The following IL18 variants were observed in gnomAD, a reference collection of about 807,000 sequenced individuals.
IL18 encodes interleukin-18.
In IL18, 8 loss-of-function variants were observed where a neutral mutation model predicts 14.2. That is an observed-to-expected ratio of 0.56 (90% CI 0.33 to 1.01). The LOEUF (loss-of-function observed/expected upper bound fraction) is 1.01, where lower values mean the gene tolerates loss of function less well. Ranked by LOEUF, IL18 falls within the 50% of genes least tolerant of loss-of-function variation. IL18 has a pLI of 0.03. For missense variants in IL18, 166 were observed against 231.1 expected (o/e 0.72, Z 1.83); for synonymous variants, 67 against 71.0 (o/e 0.94, Z 0.28).
At chr11:112,150,268 T>A in intron 3 of IL18, 62 bp from the exon 4 acceptor site, 1 of 1,107,976 alleles carries the variant, frequency 9.0e-7, no homozygotes, top group Non-Finnish European at 1.3e-6. Context: ...GACAAATAAG[T>A]ATGCTATATA....
At position 112,143,634 on chromosome 11, in the gene IL18, C is replaced by T; in HGVS notation, c.544G>A (p.Asp182Asn). 1 of 1,612,458 alleles carries T rather than the reference C, an allele frequency of 6.2e-7. No individual in the cohort carries two copies. Among genetic ancestry groups the T allele is most frequent in the Non-Finnish European group, 8.5e-7 (1 of 1,178,916 alleles). The change falls in exon 6 of 6, where the codon GAT (aspartate) becomes AAT (asparagine). Residue 182 changes from aspartate (D) to asparagine (N), a missense_variant. Asp to Asn is a conservative substitution (Grantham distance 23). Coordinates refer to ENST00000280357, the MANE Select transcript of IL18 (RefSeq NM_001562.4). ...LILKKEDELG[D>N]RSIMFTVQNE... The stretch of plus-strand genomic sequence containing the variant: ...TGAACAGTGAACATTATAGATCTAT[C>T]CCCCAATTCATCCTCTTTTTTCAAA...
chr11:112,146,683 T>C (rs1402351336), intron 5 of IL18, among the ~76,000 whole-genome samples: 1 of 152,094 alleles, frequency 6.6e-6, no homozygotes, highest in Non-Finnish European at 1.5e-5. Context: ...AGATCCTTAT[T>C]AGTGGCAGGA....
At chr11:112,144,281 G>A (rs1349685004) in intron 5 of IL18, among the ~76,000 whole-genome samples, 2 of 152,224 alleles carry the variant, frequency 1.3e-5, no homozygotes, top group Non-Finnish European at 2.9e-5. Context: ...TGCCCAGCCA[G>A]AAGTGCAGTG....
intron 5 of IL18, among the ~76,000 whole-genome samples, chr11:112,145,750 A>G (rs1046586869): frequency 6.6e-6 from 1 of 152,080 alleles, no homozygotes; most frequent in African/African-American, 2.4e-5. Flanking sequence ...AAAAAAAAGA[A>G]AAAAAGAAAA....
In IL18 at chr11:112,153,610, G is replaced by A; in HGVS notation, c.80-7C>T. ...ACTTTACCATCATCTTCAGCTAAGAGGGGGAAAAAGAGAGAAACAGAATAT... is the reference window on the plus strand; with the variant it reads ...ACTTTACCATCATCTTCAGCTAAGAAGGGGAAAAAGAGAGAAACAGAATAT... On this transcript the variant is annotated splice_polypyrimidine_tract_variant and splice_region_variant and intron_variant, in intron 2 of 5. Coordinates refer to ENST00000280357, the MANE Select transcript of IL18 (RefSeq NM_001562.4). 2 of 1,547,730 alleles carry A rather than the reference G, an allele frequency of 1.3e-6. No individual in the cohort carries two copies. Among genetic ancestry groups the A allele is most frequent in the Non-Finnish European group, 1.8e-6 (2 of 1,136,486 alleles).
At chr11:112,156,975 G>A (rs1592815763) in intron 1 of IL18, among the ~76,000 whole-genome samples, 1 of 152,100 alleles carries the variant, frequency 6.6e-6, no homozygotes, top group East Asian at 1.9e-4. Context: ...AGATCACTAA[G>A]ATAAGTCTAA....
chr11:112,157,259 T>C (rs567455246), intron 1 of IL18, among the ~76,000 whole-genome samples: 1 of 152,340 alleles, frequency 6.6e-6, no homozygotes, highest in East Asian at 1.9e-4. Flanking sequence ...TAATATTATG[T>C]AATACACACA....
At chr11:112,145,722 G>A (rs986832488) in intron 5 of IL18, among the ~76,000 whole-genome samples, 19 of 151,708 alleles carry the variant, frequency 1.3e-4, no homozygotes, top group African/African-American at 4.6e-4. Context: ...CTGGGCGACA[G>A]AGCGAGACTC....
intron 1 of IL18, among the ~76,000 whole-genome samples, chr11:112,159,938 T>C (rs563443491): frequency 6.6e-6 from 1 of 152,196 alleles, no homozygotes; most frequent in East Asian, 1.9e-4. Flanking sequence ...TTACTGGTGG[T>C]GGGGGGAGAG....
intron 4 of IL18, among the ~76,000 whole-genome samples, chr11:112,149,041 G>A (rs923508491): frequency 6.6e-6 from 1 of 151,942 alleles, no homozygotes; most frequent in African/African-American, 2.4e-5. Context: ...GGGGTTGTTT[G>A]TTTGTTTGGG....
At position 112,154,980 on chromosome 11, in the gene IL18, A is replaced by C. The variant is rs1271061057; in HGVS notation, c.74T>G (p.Phe25Cys). 1.3e-6 allele frequency: 2 copies of C among 1,596,868 alleles called. No homozygotes were observed. The highest frequency in any genetic ancestry group is 1.7e-6 in the Non-Finnish European group (2 of 1,164,676). Residue 25 changes from phenylalanine (F) to cysteine (C), a missense_variant, in exon 2 of 6, where the codon TTT becomes TGT. Coordinates refer to ENST00000280357, the MANE Select transcript of IL18 (RefSeq NM_001562.4). ...AMKFIDNTLYFIAEDDENLES... is the reference protein window; with the variant it reads ...AMKFIDNTLYCIAEDDENLES... ...TTCTATGGCATTAGCCTTACCTATA[A>C]AGTAAAGCGTATTGTCAATAAATTT...
intron 5 of IL18, among the ~76,000 whole-genome samples, chr11:112,144,584 C>G (rs1055010151): frequency 6.6e-6 from 1 of 152,168 alleles, no homozygotes; most frequent in African/African-American, 2.4e-5. Context: ...GTGAGAGAGA[C>G]AGAAAGTGCC....
At position 112,143,701 on chromosome 11, in the gene IL18, G is replaced by A. The variant is rs761403415; in HGVS notation, c.477C>T (p.Tyr159=). 1 of 1,611,898 alleles carries A rather than the reference G, an allele frequency of 6.2e-7. No individual in the cohort carries two copies. The highest frequency in any genetic ancestry group is 8.5e-7 in the Non-Finnish European group (1 of 1,178,142). ...MQFESSSYEG[Y]FLACEKERDL... ...CTCTCTCTTTTTCACAAGCTAGAAA[G>A]TATCCTTCGTATGATGAAGATTCAA... Residue 159 remains tyrosine (Y), a synonymous_variant, in exon 6 of 6, where the codon TAC becomes TAT. Coordinates refer to ENST00000280357, the MANE Select transcript of IL18 (RefSeq NM_001562.4).
At chr11:112,150,969 G>T (rs1866428306) in intron 3 of IL18, 1 of 152,086 alleles carries the variant, frequency 6.6e-6, no homozygotes, top group South Asian at 2.1e-4. Context: ...GGTATCTAGG[G>T]CTGATCCCAT....
chr11:112,143,964 G>GGA, intron 5 of IL18, 147 bp from the exon 6 acceptor site: 1 of 598,792 alleles, frequency 1.7e-6, no homozygotes, highest in Non-Finnish European at 2.9e-6. Context: ...CAGCAGTACT[G>GGA]ACCTCCTCTC....
intron 5 of IL18, 54 bp downstream of exon 5, chr11:112,148,549 T>C (rs1424954733): frequency 1.1e-6 from 1 of 874,948 alleles, no homozygotes; most frequent in East Asian, 3.3e-5. Context: ...GTTATATTTC[T>C]AATTATATTA....
At chr11:112,148,168 ATAT>A (rs1186503241) in intron 5 of IL18, among the ~76,000 whole-genome samples, 1 of 152,254 alleles carries the variant, frequency 6.6e-6, no homozygotes, top group East Asian at 1.9e-4. Context: ...AGGGATTAAA[ATAT>A]TATCATAATT....
chr11:112,147,460 C>A (rs1214697669), intron 5 of IL18, among the ~76,000 whole-genome samples: 2 of 152,302 alleles, frequency 1.3e-5, no homozygotes, highest in East Asian at 3.9e-4. Context: ...TGGCCATCTC[C>A]TTCCCTTCTA....
intron 1 of IL18, among the ~76,000 whole-genome samples, chr11:112,156,600 C>T (rs1866536928): frequency 6.6e-6 from 1 of 151,960 alleles, no homozygotes; most frequent in Non-Finnish European, 1.5e-5. Flanking sequence ...CGTGCCACCA[C>T]ACCCAGATAA....
Sources: gnomAD v4.1 joint callset for allele counts (sites outside exome capture counted in the v4.1 genomes callset) on GRCh38, gnomAD v4.1.1 for gene constraint, MANE v1.5 for transcripts, NCBI Gene and HGNC (gene_info 2026-07-23, HGNC 2026-07-21) for gene names.